ABLIM1: variants seen among roughly 807,000 people sequenced by gnomAD.
The protein encoded by ABLIM1 is actin-binding LIM protein 1.
Under a neutral mutation model 107.0 loss-of-function variants are expected in ABLIM1, and 40 were observed. The observed-to-expected ratio is 0.37, with a 90% CI of 0.29 to 0.49. ABLIM1 has a LOEUF of 0.49. Ranked by LOEUF, ABLIM1 falls within the 20% of genes least tolerant of loss-of-function variation. The pLI, the probability that ABLIM1 is intolerant of heterozygous loss-of-function variation, is 0.97. For missense variants in ABLIM1, 857 were observed against 1,008.5 expected (o/e 0.85, Z 2.04); for synonymous variants, 357 against 357.3 (o/e 1.00, Z 0.01).
At chr10:114,449,062 T>G (rs1045872595) in intron 14 of ABLIM1, among the ~76,000 whole-genome samples, 7 of 152,246 alleles carry the variant, frequency 4.6e-5, no homozygotes, top group African/African-American at 1.7e-4. Flanking sequence ...CAAAGGTCTG[T>G]GCACACAAGT....
In ABLIM1 at chr10:114,473,729, A is replaced by G. The variant is rs951685130; in HGVS notation, c.1119+150T>C. On this transcript the variant is annotated intron_variant, in intron 9 of 22. Transcript: ENST00000533213. The stretch of plus-strand genomic sequence containing the variant: ...AATTACCTAAAGGTAAAAGTGATTG[A>G]GGAGACTGTTCTACAAAAATGAAAA... 33 of 585,512 alleles carry G rather than the reference A, an allele frequency of 5.6e-5. No individual in the cohort carries two copies. The Admixed American group carries it at 9.9e-4, about 18-fold the overall frequency. The allele number at this position is 585,512 out of a possible 1,614,324, so 36.3% of individuals were successfully genotyped here. A position where few individuals can be genotyped will look rare whatever the true frequency, so the allele number is the denominator to read the frequency against.
chr10:114,507,462 AT>A (rs1385699307), intron 6 of ABLIM1, among the ~76,000 whole-genome samples: 1 of 152,234 alleles, frequency 6.6e-6, no homozygotes, highest in African/African-American at 2.4e-5. Flanking sequence ...CAACCAAAGA[AT>A]TTCTGTATCC....
intron 6 of ABLIM1, among the ~76,000 whole-genome samples, chr10:114,539,706 C>T (rs2066428590): frequency 6.6e-6 from 1 of 152,132 alleles, no homozygotes. Context: ...ACCACCTGTA[C>T]CCTGGAAAGG....
At chr10:114,472,032 C>T (rs1208264085) in intron 10 of ABLIM1, among the ~76,000 whole-genome samples, 1 of 151,872 alleles carries the variant, frequency 6.6e-6, no homozygotes, top group Admixed American at 6.6e-5. Context: ...CTGAGAGGCT[C>T]TGGTCCCGCA....
intron 12 of ABLIM1, among the ~76,000 whole-genome samples, chr10:114,455,794 G>A (rs2062697268): frequency 6.6e-6 from 1 of 151,574 alleles, no homozygotes; most frequent in African/African-American, 2.4e-5. Flanking sequence ...AATATCAACA[G>A]GTTACAGGAA....
intron 15 of ABLIM1, 150 bp downstream of exon 15, chr10:114,447,730 C>G: frequency 9.2e-7 from 1 of 1,092,326 alleles, no homozygotes; most frequent in South Asian, 1.7e-5. Context: ...AAGTTAATAC[C>G]ACGTTAGTTC....
chr10:114,525,165 T>C (rs569307926), intron 6 of ABLIM1, among the ~76,000 whole-genome samples: 24 of 152,182 alleles, frequency 1.6e-4, no homozygotes, highest in Admixed American at 3.9e-4. Flanking sequence ...AGACATCCCA[T>C]AGACAGTCCC....
chr10:114,648,313 T>C (rs1308338284), intron 1 of ABLIM1, among the ~76,000 whole-genome samples: 1 of 152,130 alleles, frequency 6.6e-6, no homozygotes, highest in Admixed American at 6.5e-5. Flanking sequence ...AAAGAAAATG[T>C]GATATATCCC....
chr10:114,684,205 A>G (rs1766696257), intron 1 of ABLIM1: 1 of 1,377,244 alleles, frequency 7.3e-7, no homozygotes. Flanking sequence ...ATCAAATGGA[A>G]AAGCCCTGCA....
chr10:114,668,476 G>A (rs1356708320), intron 1 of ABLIM1, among the ~76,000 whole-genome samples: 2 of 152,098 alleles, frequency 1.3e-5, no homozygotes, highest in South Asian at 2.1e-4. Flanking sequence ...ACTTGATAAG[G>A]GGGAAATCAA....
Position 114,579,889 on chromosome 10 carries a change from T to C in ABLIM1, c.380-4290A>G, listed in dbSNP as rs1444489408. On this transcript the variant is annotated intron_variant, in intron 2 of 22. Transcript: ENST00000533213. Reference sequence around the variant, plus strand: ...AATTATCCAAAACTTGTAAACAAGGTAAAGGGAAGAAGGCATGTTCTTTAA... The same window carrying C: ...AATTATCCAAAACTTGTAAACAAGGCAAAGGGAAGAAGGCATGTTCTTTAA... 2.0e-5 allele frequency among the ~76,000 whole-genome samples: 3 copies of C among 152,154 alleles called. No homozygotes were observed. The East Asian group carries it at 5.8e-4, about 29-fold the overall frequency.
intron 1 of ABLIM1, among the ~76,000 whole-genome samples, chr10:114,646,994 A>ATATT (rs1179706738): frequency 6.6e-6 from 1 of 152,014 alleles, no homozygotes; most frequent in Non-Finnish European, 1.5e-5. Context: ...AAATTAATTA[A>ATATT]TATTTATTTA....
chr10:114,669,825 T>C (rs907282911), intron 1 of ABLIM1, among the ~76,000 whole-genome samples: 3 of 151,834 alleles, frequency 2.0e-5, no homozygotes, highest in Admixed American at 2.0e-4. Context: ...GGAAGGGGGA[T>C]CTGGGGATCT....
intron 6 of ABLIM1, among the ~76,000 whole-genome samples, chr10:114,522,827 C>T (rs575454275): frequency 1.3e-5 from 2 of 152,302 alleles, no homozygotes; most frequent in East Asian, 1.9e-4. Flanking sequence ...GAAAGGCTCA[C>T]GCTTGCTCAT....
At chr10:114,642,301 G>C (rs1248883926) in intron 1 of ABLIM1, among the ~76,000 whole-genome samples, 1 of 152,166 alleles carries the variant, frequency 6.6e-6, no homozygotes, top group African/African-American at 2.4e-5. Flanking sequence ...CACAGATGCA[G>C]AGTGCTGAAT....
At chr10:114,679,147 A>G (rs1397364669) in intron 1 of ABLIM1, among the ~76,000 whole-genome samples, 2 of 152,188 alleles carry the variant, frequency 1.3e-5, no homozygotes, top group African/African-American at 4.8e-5. Context: ...TGTCAGCATG[A>G]TGAAAAAGAA....
chr10:114,704,369 A>C (rs1439728251), intron 1 of ABLIM1, among the ~76,000 whole-genome samples: 1 of 144,316 alleles, frequency 6.9e-6, no homozygotes, highest in African/African-American at 2.5e-5. Context: ...ATCTTGGAAT[A>C]ACAAGAGCCT....
chr10:114,781,169 T>G, the ABLIM1 span, among the ~76,000 whole-genome samples: 1 of 152,144 alleles, frequency 6.6e-6, no homozygotes, highest in African/African-American at 2.4e-5. Context: ...CTCTTCTTAG[T>G]ATTGTAAAGT....
chr10:114,674,877 G>T (rs1176633106), intron 1 of ABLIM1, among the ~76,000 whole-genome samples: 1 of 152,108 alleles, frequency 6.6e-6, no homozygotes, highest in African/African-American at 2.4e-5. Context: ...CTTTAAAGAT[G>T]AAAGTTTGTG....
Sources: gnomAD v4.1 joint callset for allele counts (sites outside exome capture counted in the v4.1 genomes callset) on GRCh38, gnomAD v4.1.1 for gene constraint, MANE v1.5 for transcripts, NCBI Gene and HGNC (gene_info 2026-07-23, HGNC 2026-07-21) for gene names.